The following GLIS3 variants were observed in gnomAD, a reference collection of about 807,000 sequenced individuals.
GLIS3 encodes the protein GLIS family zinc finger 3.
A neutral mutation model predicts 78.6 loss-of-function variants in GLIS3; 53 were observed. The ratio of observed to expected loss-of-function variants is 0.67; its 90% CI spans 0.54 to 0.85. GLIS3 has a LOEUF of 0.85. GLIS3 is among the 40% of genes least tolerant of loss of function. The probability of loss-of-function intolerance (pLI) is 0.00; values close to 1 mark genes in which losing one functional copy is unlikely to be tolerated. For missense variants in GLIS3, 1,703 were observed against 1,231.1 expected (o/e 1.38, Z -5.74); for synonymous variants, 684 against 509.9 (o/e 1.34, Z -4.60).
the GLIS3 span, among the ~76,000 whole-genome samples, chr9:4,427,460 T>C: frequency 1.3e-5 from 2 of 152,278 alleles, no homozygotes; most frequent in South Asian, 4.1e-4. Context: ...GCACCCAGGA[T>C]GTATACACAC....
At chr9:3,946,568 T>C (rs1816308189) in intron 4 of GLIS3, among the ~76,000 whole-genome samples, 1 of 152,216 alleles carries the variant, frequency 6.6e-6, no homozygotes, top group South Asian at 2.1e-4. Flanking sequence ...TATTTGAATA[T>C]TTAACCATGT....
chr9:3,927,546 C>T (rs915922142), intron 6 of GLIS3, among the ~76,000 whole-genome samples: 9 of 152,106 alleles, frequency 5.9e-5, no homozygotes, highest in Admixed American at 1.3e-4. Flanking sequence ...GCTTTAAGCA[C>T]GAAATAAGAT....
chr9:4,425,544 T>G, the GLIS3 span, among the ~76,000 whole-genome samples: 1 of 152,226 alleles, frequency 6.6e-6, no homozygotes, highest in African/African-American at 2.4e-5. Context: ...GCCCACAGAT[T>G]GCCTCATTCT....
At chr9:4,465,402 A>G in the GLIS3 span, among the ~76,000 whole-genome samples, 1 of 152,194 alleles carries the variant, frequency 6.6e-6, no homozygotes, top group African/African-American at 2.4e-5. Context: ...ACAAAAAATT[A>G]GCCATGCATG....
chr9:4,144,121 G>T (rs1164406556), intron 2 of GLIS3, among the ~76,000 whole-genome samples: 1 of 152,134 alleles, frequency 6.6e-6, no homozygotes, highest in Non-Finnish European at 1.5e-5. Context: ...AGAAGGCAAG[G>T]GAACAAAGAT....
chr9:4,055,909 T>G (rs1396482665), intron 4 of GLIS3, among the ~76,000 whole-genome samples: 1 of 152,134 alleles, frequency 6.6e-6, no homozygotes, highest in Admixed American at 6.5e-5. Context: ...TCGATGGCAG[T>G]GACGGAGGAA....
intron 2 of GLIS3, among the ~76,000 whole-genome samples, chr9:4,327,629 G>T (rs543189997): frequency 6.6e-6 from 1 of 152,288 alleles, no homozygotes; most frequent in East Asian, 1.9e-4. Flanking sequence ...GGCCGGAAAG[G>T]ACCTTCAGAC....
rs541738543 is a variant in GLIS3, at chr9:4,243,393, T to TAC, written c.388+42643_388+42644dup. Among the ~76,000 whole-genome samples the TAC allele has an allele frequency of 2.9e-4, 8 of 27,860 alleles. No homozygotes were observed. In the South Asian group the frequency reaches 0.016, roughly 55 times the overall value. The allele number at this position is 27,860 out of a possible 152,430, so 18.3% of individuals were successfully genotyped here. On this transcript the variant is annotated intron_variant, in intron 2 of 10. Transcript: ENST00000381971. ...ATATACATGTTTACACATGCACACA[T>TAC]ACACGCACACACACACACACATACG... is the stretch of plus-strand genomic sequence containing the variant.
At chr9:4,318,858 G>A (rs924017863) in intron 2 of GLIS3, among the ~76,000 whole-genome samples, 2 of 152,226 alleles carry the variant, frequency 1.3e-5, no homozygotes, top group African/African-American at 4.8e-5. Flanking sequence ...ATTACTTGCT[G>A]ATTGCAAAGG....
rs75491283 is a variant in GLIS3 at position 4,260,072 on chromosome 9, C to T, written c.388+25966G>A. On this transcript the variant is annotated intron_variant, in intron 2 of 10. Coordinates refer to ENST00000381971, the MANE Select transcript of GLIS3 (RefSeq NM_001042413.2). ...GGTTCTATAGAAGGAACGATAGTGA[C>T]CTCTGATCTACACACTTCAGGCCAA... Among the ~76,000 whole-genome samples, 546 of 138,702 alleles carry T rather than the reference C, an allele frequency of 3.9e-3. 4 individuals are homozygous for T. The highest frequency in any genetic ancestry group is 0.014 in the African/African-American group (511 of 37,126). The allele number at this position is 138,702 out of a possible 152,430, so 91.0% of individuals were successfully genotyped here.
chr9:4,332,575 C>T (rs1186483880), intron 2 of GLIS3, among the ~76,000 whole-genome samples: 1 of 152,240 alleles, frequency 6.6e-6, no homozygotes, highest in African/African-American at 2.4e-5. Flanking sequence ...ACATTGAAGA[C>T]AGCAGAGCAG....
At chr9:4,469,446 A>G in the GLIS3 span, among the ~76,000 whole-genome samples, 1 of 152,230 alleles carries the variant, frequency 6.6e-6, no homozygotes, top group African/African-American at 2.4e-5. Context: ...CTCTCAGACC[A>G]CAGTGCAATC....
intron 2 of GLIS3, among the ~76,000 whole-genome samples, chr9:4,182,983 A>C (rs770104635): frequency 6.6e-6 from 1 of 152,058 alleles, no homozygotes; most frequent in Non-Finnish European, 1.5e-5. Context: ...CACCGCTCAC[A>C]CTCTAATCCC....
At chr9:4,358,513 T>C in the GLIS3 span, among the ~76,000 whole-genome samples, 1 of 152,212 alleles carries the variant, frequency 6.6e-6, no homozygotes, top group Non-Finnish European at 1.5e-5. Flanking sequence ...ACAAGCATTT[T>C]TGTGTACCTA....
intron 4 of GLIS3, among the ~76,000 whole-genome samples, chr9:3,972,628 C>T (rs939417074): frequency 6.6e-6 from 1 of 152,084 alleles, no homozygotes; most frequent in African/African-American, 2.4e-5. Flanking sequence ...CATCTTTAGG[C>T]ACTTTTCTCC....
chr9:3,919,866 A>AG (rs899162021), intron 6 of GLIS3, among the ~76,000 whole-genome samples: 3 of 152,068 alleles, frequency 2.0e-5, no homozygotes, highest in Middle Eastern at 3.2e-3. Context: ...AGACTGAAAA[A>AG]GTAAACACCC....
At chr9:4,406,918 A>G in the GLIS3 span, among the ~76,000 whole-genome samples, 2 of 152,210 alleles carry the variant, frequency 1.3e-5, no homozygotes, top group African/African-American at 4.8e-5. Context: ...TAACAATTAC[A>G]TTCTTCACAG....
the GLIS3 span, among the ~76,000 whole-genome samples, chr9:4,380,648 A>G: frequency 1.3e-5 from 2 of 152,248 alleles, no homozygotes; most frequent in African/African-American, 4.8e-5. Flanking sequence ...TTAGCAAGCT[A>G]CCTGGCTGAT....
At chr9:4,367,861 A>T in the GLIS3 span, among the ~76,000 whole-genome samples, 1 of 152,202 alleles carries the variant, frequency 6.6e-6, no homozygotes, top group African/African-American at 2.4e-5. Flanking sequence ...CAATTCATGT[A>T]ATCTTCATTT....
Sources: gnomAD v4.1 joint callset for allele counts (sites outside exome capture counted in the v4.1 genomes callset) on GRCh38, gnomAD v4.1.1 for gene constraint, MANE v1.5 for transcripts, NCBI Gene and HGNC (gene_info 2026-07-23, HGNC 2026-07-21) for gene names.